Variants in DDAH1 observed in about 807,000 individuals in gnomAD.
The protein encoded by DDAH1 is N(G),N(G)-dimethylarginine dimethylaminohydrolase 1.
A neutral mutation model predicts 28.8 loss-of-function variants in DDAH1; 19 were observed. The ratio of observed to expected loss-of-function variants is 0.66; its 90% CI spans 0.46 to 0.97. The LOEUF (loss-of-function observed/expected upper bound fraction) is 0.97, where lower values mean the gene tolerates loss of function less well. DDAH1 is among the 50% of genes least tolerant of loss of function. The pLI, the probability that DDAH1 is intolerant of heterozygous loss-of-function variation, is 0.00. For missense variants in DDAH1, 326 were observed against 375.9 expected (o/e 0.87, Z 1.10); for synonymous variants, 153 against 154.4 (o/e 0.99, Z 0.07).
rs1169206227 is a variant in DDAH1, at chr1:85,318,888, T to A, written c.*2564A>T. 1 of 152,234 alleles carries A rather than the reference T, an allele frequency of 6.6e-6. No individual in the cohort carries two copies. Among genetic ancestry groups the A allele is most frequent in the Non-Finnish European group, 1.5e-5 (1 of 68,036 alleles). The allele number at this position is 152,234 out of a possible 1,614,324, so 9.4% of individuals were successfully genotyped here. On this transcript the variant is annotated 3_prime_UTR_variant, in exon 6 of 6. Transcript: ENST00000284031. ...AAGATCTGCCTGATTTCTATAGCAATTCATTATAGCTGAAGAAATAATGCT... is the reference window on the plus strand; with the variant it reads ...AAGATCTGCCTGATTTCTATAGCAAATCATTATAGCTGAAGAAATAATGCT...
intron 2 of DDAH1, among the ~76,000 whole-genome samples, chr1:85,480,610 T>C (rs944340674): frequency 1.6e-4 from 25 of 152,196 alleles, no homozygotes; most frequent in Admixed American, 1.4e-3. Context: ...CTGGGTGTGG[T>C]GGCAGGCACT....
At chr1:85,466,832 CTTTTTTT>C (rs10675813), upstream of DDAH1, among the ~76,000 whole-genome samples, 1 of 70,738 alleles carries the variant, frequency 1.4e-5, no homozygotes, top group Non-Finnish European at 2.4e-5. Flanking sequence ...ATTATTTATT[CTTTTTTT>C]TTTTTTTTTT....
chr1:85,330,832 G>T (rs1390731323), intron 4 of DDAH1, among the ~76,000 whole-genome samples: 1 of 152,248 alleles, frequency 6.6e-6, no homozygotes, highest in South Asian at 2.1e-4. Context: ...CAATGGCAGT[G>T]TGAGGTGGGA....
At chr1:85,391,596 G>A (rs1205237637) in intron 1 of DDAH1, among the ~76,000 whole-genome samples, 1 of 152,150 alleles carries the variant, frequency 6.6e-6, no homozygotes, top group African/African-American at 2.4e-5. Context: ...CCCCAAAATG[G>A]GTGAAAGATG....
intron 1 of DDAH1, among the ~76,000 whole-genome samples, chr1:85,519,999 G>T (rs1255443770): frequency 3.2e-5 from 3 of 93,308 alleles, no homozygotes; most frequent in African/African-American, 9.6e-5. Flanking sequence ...TTTATTTATT[G>T]GACTTATTTA....
chr1:85,536,980 TATATAC>T (rs776649143), intron 1 of DDAH1, among the ~76,000 whole-genome samples: 10,680 of 50,032 alleles, frequency 0.21, 693 homozygotes, highest in Admixed American at 0.32. Flanking sequence ...TATATATATA[TATATAC>T]GTATATACAT....
At chr1:85,369,203 G>C (rs1203506307) in intron 1 of DDAH1, among the ~76,000 whole-genome samples, 1 of 151,196 alleles carries the variant, frequency 6.6e-6, no homozygotes, top group Non-Finnish European at 1.5e-5. Flanking sequence ...TGGGACTACA[G>C]GTGTGTGCCC....
chr1:85,395,460 G>T (rs953129316), intron 1 of DDAH1, among the ~76,000 whole-genome samples: 6 of 152,116 alleles, frequency 3.9e-5, no homozygotes, highest in African/African-American at 1.4e-4. Flanking sequence ...ATCACCTGAG[G>T]GAGGGAGTTC....
chr1:85,341,701 TACTCGGGAGGCTG>T (rs1302884152), intron 4 of DDAH1, among the ~76,000 whole-genome samples: 1 of 152,022 alleles, frequency 6.6e-6, no homozygotes, highest in African/African-American at 2.4e-5. Context: ...TAGTCCCAGC[TACTCGGGAGGCTG>T]AGGCAGAAGA....
chr1:85,365,174 C>A (rs1227431391), intron 1 of DDAH1, among the ~76,000 whole-genome samples: 1 of 152,124 alleles, frequency 6.6e-6, no homozygotes, highest in Non-Finnish European at 1.5e-5. Context: ...TGATCAAAGT[C>A]TCATAGCAAG....
chr1:85,568,608 G>C (rs1557769148), intron 1 of DDAH1, among the ~76,000 whole-genome samples: 1 of 152,162 alleles, frequency 6.6e-6, no homozygotes, highest in Non-Finnish European at 1.5e-5. Flanking sequence ...AGGAACCCTA[G>C]ATTGCTTACC....
At position 85,367,812 on chromosome 1, in the gene DDAH1, A is replaced by G. The variant is rs553330300; in HGVS notation, c.304-8965T>C. Among the ~76,000 whole-genome samples the G allele has an allele frequency of 2.6e-5, 4 of 152,326 alleles. No homozygotes were observed. The South Asian group carries it at 8.3e-4, about 32-fold the overall frequency. On this transcript the variant is annotated intron_variant, in intron 1 of 5. Coordinates refer to ENST00000284031, the MANE Select transcript of DDAH1 (RefSeq NM_012137.4). The stretch of plus-strand genomic sequence containing the variant: ...GAACACATCCATCATCAAATATGGC[A>G]GGGCAGAGAGAGGGAAGCAATTTGA...
At chr1:85,567,905 T>A (rs1659350867) in intron 1 of DDAH1, among the ~76,000 whole-genome samples, 1 of 152,228 alleles carries the variant, frequency 6.6e-6, no homozygotes, top group Admixed American at 6.5e-5. Flanking sequence ...AGACTAGACA[T>A]TCTTTTCAAG....
chr1:85,469,402 A>T (rs768567566), upstream of DDAH1, among the ~76,000 whole-genome samples: 1 of 152,240 alleles, frequency 6.6e-6, no homozygotes, highest in African/African-American at 2.4e-5. Context: ...GATTTTAGAC[A>T]TGTTACTTAA....
intron 1 of DDAH1, among the ~76,000 whole-genome samples, chr1:85,447,418 C>A (rs1654483644): frequency 6.6e-6 from 1 of 152,128 alleles, no homozygotes; most frequent in South Asian, 2.1e-4. Flanking sequence ...GAGTGGGCCA[C>A]AAGGAAGCTT....
intron 2 of DDAH1, among the ~76,000 whole-genome samples, chr1:85,472,497 A>T (rs923856287): frequency 6.6e-6 from 1 of 152,040 alleles, no homozygotes; most frequent in African/African-American, 2.4e-5. Flanking sequence ...TTTCAGTGAA[A>T]CTTCAAAGGG....
At chr1:85,364,078 T>A (rs1354261763) in intron 1 of DDAH1, among the ~76,000 whole-genome samples, 1 of 151,998 alleles carries the variant, frequency 6.6e-6, no homozygotes, top group Non-Finnish European at 1.5e-5. Context: ...GAAGAAAGGG[T>A]AGATATTAGT....
chr1:85,559,261 A>G (rs1659073153), intron 1 of DDAH1, among the ~76,000 whole-genome samples: 1 of 152,200 alleles, frequency 6.6e-6, no homozygotes, highest in African/African-American at 2.4e-5. Flanking sequence ...ACATCTTAGT[A>G]GTAGGACTGA....
chr1:85,398,005 T>C (rs1331726746), intron 1 of DDAH1, among the ~76,000 whole-genome samples: 5 of 139,912 alleles, frequency 3.6e-5, no homozygotes, highest in Non-Finnish European at 6.3e-5. Context: ...TTTTTTTTTT[T>C]CATAAATTAC....
Sources: allele counts gnomAD v4.1 joint callset (sites outside exome capture counted in the v4.1 genomes callset), GRCh38; gene constraint gnomAD v4.1.1; transcripts MANE v1.5; gene names NCBI Gene and HGNC (gene_info 2026-07-23, HGNC 2026-07-21).